The following B3GAT2 variants were observed in gnomAD, a reference collection of about 807,000 sequenced individuals.
B3GAT2 encodes the protein beta-1,3-glucuronyltransferase 2, also known as galactosylgalactosylxylosylprotein 3-beta-glucuronosyltransferase 2.
Under a neutral mutation model 27.8 loss-of-function variants are expected in B3GAT2, and 26 were observed. That is an observed-to-expected ratio of 0.93 (90% CI 0.68 to 1.30). The LOEUF (loss-of-function observed/expected upper bound fraction) is 1.30. B3GAT2 is among the 50% of genes most tolerant of loss of function. B3GAT2 has a pLI of 0.00. For missense variants in B3GAT2, 458 were observed against 459.0 expected, an observed-to-expected ratio of 1.00 and a Z score of 0.02; for synonymous variants, 218 against 195.1, an observed-to-expected ratio of 1.12 and a Z score of -0.98.
intron 1 of B3GAT2, among the ~76,000 whole-genome samples, chr6:70,902,637 T>TATATATATATACAC (rs1491331231): frequency 7.5e-6 from 1 of 133,424 alleles, no homozygotes; most frequent in African/African-American, 2.7e-5. Context: ...TATATATATA[T>TATATATATATACAC]ACACACACAC....
chr6:70,900,022 T>A (rs1772470044), intron 1 of B3GAT2, among the ~76,000 whole-genome samples: 1 of 152,210 alleles, frequency 6.6e-6, no homozygotes. Flanking sequence ...GATATTATGA[T>A]AAAGGGGCAG....
intron 2 of B3GAT2, among the ~76,000 whole-genome samples, chr6:70,878,355 A>T (rs1040784323): frequency 2.0e-5 from 3 of 152,190 alleles, no homozygotes; most frequent in African/African-American, 7.2e-5. Flanking sequence ...ACAATGGCTG[A>T]TGAATGCTGT....
chr6:70,897,917 T>C (rs190910526), intron 1 of B3GAT2, among the ~76,000 whole-genome samples: 47 of 152,246 alleles, frequency 3.1e-4, no homozygotes, highest in African/African-American at 1.1e-3. Flanking sequence ...AAATCAGCTA[T>C]GCATATATGT....
intron 1 of B3GAT2, among the ~76,000 whole-genome samples, chr6:70,949,002 G>T (rs928333493): frequency 6.6e-6 from 1 of 152,190 alleles, no homozygotes; most frequent in Non-Finnish European, 1.5e-5. Flanking sequence ...AAACTGGCTA[G>T]CCATATGTAG....
At chr6:70,943,191 C>A (rs1380676244) in intron 1 of B3GAT2, among the ~76,000 whole-genome samples, 1 of 152,142 alleles carries the variant, frequency 6.6e-6, no homozygotes, top group African/African-American at 2.4e-5. Flanking sequence ...AAAGACTCAA[C>A]CAATGATTTA....
intron 2 of B3GAT2, among the ~76,000 whole-genome samples, chr6:70,865,368 T>G (rs1771832912): frequency 6.6e-6 from 1 of 152,154 alleles, no homozygotes; most frequent in African/African-American, 2.4e-5. Flanking sequence ...TCTGCCCCCC[T>G]CGGCCTCCTA....
Position 70,926,261 on chromosome 6 carries a change from G to T in B3GAT2, c.591+29578C>A, listed in dbSNP as rs117993271. Among the ~76,000 whole-genome samples the T allele has an allele frequency of 4.8e-3, 735 of 152,320 alleles. 16 individuals are homozygous for T. The East Asian group carries it at 0.086, about 18-fold the overall frequency. On this transcript the variant is annotated intron_variant, in intron 1 of 3. Coordinates refer to ENST00000230053, the MANE Select transcript of B3GAT2 (RefSeq NM_080742.3). Reference sequence around the variant, plus strand: ...AGCCAAAAATTTTAAAAATCAGAGCGACTCTTCTCCAAAGGATCGCAGCTC... The same window carrying T: ...AGCCAAAAATTTTAAAAATCAGAGCTACTCTTCTCCAAAGGATCGCAGCTC...
At chr6:70,884,631 G>A (rs924918028) in intron 2 of B3GAT2, among the ~76,000 whole-genome samples, 11 of 152,152 alleles carry the variant, frequency 7.2e-5, no homozygotes, top group African/African-American at 2.7e-4. Flanking sequence ...CACGTGTGAT[G>A]GAAAATCAGG....
intron 1 of B3GAT2, among the ~76,000 whole-genome samples, chr6:70,902,629 T>C (rs868516155): frequency 2.1e-5 from 3 of 142,004 alleles, no homozygotes; most frequent in African/African-American, 8.4e-5. Context: ...TATATATATA[T>C]ATATATATAC....
At chr6:70,915,159 A>G (rs1287514072) in intron 1 of B3GAT2, among the ~76,000 whole-genome samples, 1 of 152,146 alleles carries the variant, frequency 6.6e-6, no homozygotes, top group Non-Finnish European at 1.5e-5. Flanking sequence ...ATGACCAGTG[A>G]TGATGGACAT....
intron 2 of B3GAT2, among the ~76,000 whole-genome samples, chr6:70,863,423 G>A (rs1217963581): frequency 6.6e-6 from 1 of 152,214 alleles, no homozygotes; most frequent in African/African-American, 2.4e-5. Context: ...AGCAGGTGCT[G>A]AGTGAAGCAG....
intron 1 of B3GAT2, among the ~76,000 whole-genome samples, chr6:70,952,409 C>T (rs759585752): frequency 2.0e-5 from 3 of 151,900 alleles, no homozygotes; most frequent in Admixed American, 1.3e-4. Context: ...CCAACTTCAC[C>T]TGAAAAGCAT....
chr6:70,925,873 C>A (rs1772947783), intron 1 of B3GAT2, among the ~76,000 whole-genome samples: 1 of 152,224 alleles, frequency 6.6e-6, no homozygotes, highest in Admixed American at 6.5e-5. Context: ...CCCTGAGTAG[C>A]CCAGTGGGAG....
At chr6:70,931,481 G>C (rs1773062224) in intron 1 of B3GAT2, among the ~76,000 whole-genome samples, 1 of 152,106 alleles carries the variant, frequency 6.6e-6, no homozygotes. Flanking sequence ...TGATAAACCA[G>C]CTATATTTGG....
chr6:70,939,461 A>G (rs371385852), intron 1 of B3GAT2, among the ~76,000 whole-genome samples: 7,769 of 150,182 alleles, frequency 0.052, 240 homozygotes, highest in East Asian at 0.15. Flanking sequence ...TGTTTATTGC[A>G]GCACTATTCA....
At chr6:70,866,791 A>C (rs1313393976) in intron 2 of B3GAT2, among the ~76,000 whole-genome samples, 1 of 152,228 alleles carries the variant, frequency 6.6e-6, no homozygotes. Context: ...AAGATATGTA[A>C]GACTTAAATA....
chr6:70,952,436 A>C (rs1765592112), intron 1 of B3GAT2, among the ~76,000 whole-genome samples: 1 of 152,208 alleles, frequency 6.6e-6, no homozygotes, highest in African/African-American at 2.4e-5. Flanking sequence ...TAAATTTAAG[A>C]AAGCTTTGAA....
intron 2 of B3GAT2, among the ~76,000 whole-genome samples, chr6:70,868,220 A>G (rs893703201): frequency 1.3e-5 from 2 of 152,208 alleles, no homozygotes; most frequent in African/African-American, 4.8e-5. Context: ...TTGGTGAAAG[A>G]CTGAGTGTTA....
intron 2 of B3GAT2, among the ~76,000 whole-genome samples, chr6:70,881,299 A>G (rs958215183): frequency 2.6e-5 from 4 of 152,206 alleles, no homozygotes; most frequent in African/African-American, 9.6e-5. Flanking sequence ...TTATGATGCC[A>G]CATCTTTTAA....
Sources: allele counts gnomAD v4.1 joint callset (sites outside exome capture counted in the v4.1 genomes callset), GRCh38; gene constraint gnomAD v4.1.1; transcripts MANE v1.5; gene names NCBI Gene and HGNC (gene_info 2026-07-23, HGNC 2026-07-21).